KIF1B: variants seen among roughly 807,000 people sequenced by gnomAD.
KIF1B encodes the protein kinesin family member 1B.
A neutral mutation model predicts 241.9 loss-of-function variants in KIF1B; 76 were observed. The ratio of observed to expected loss-of-function variants is 0.31; its 90% CI spans 0.26 to 0.38. KIF1B has a LOEUF of 0.38. Ranked by LOEUF, KIF1B falls within the 10% of genes least tolerant of loss-of-function variation. The probability of loss-of-function intolerance (pLI) is 1.00; values close to 1 mark genes in which losing one functional copy is unlikely to be tolerated. For missense variants in KIF1B, 1,622 were observed against 2,271.4 expected (o/e 0.71, Z 5.81); for synonymous variants, 750 against 796.7 (o/e 0.94, Z 0.99).
At chr1:10,285,506 CTG>C (rs1649642273) in intron 15 of KIF1B, among the ~76,000 whole-genome samples, 1 of 152,212 alleles carries the variant, frequency 6.6e-6, no homozygotes, top group African/African-American at 2.4e-5. Context: ...CAAGACAAAA[CTG>C]TATTACTTCA....
chr1:10,218,425 C>CTT (rs879830838), intron 1 of KIF1B, among the ~76,000 whole-genome samples: 7 of 146,114 alleles, frequency 4.8e-5, no homozygotes, highest in East Asian at 3.9e-4. Flanking sequence ...CTTTGTGCAA[C>CTT]TTTTTTTTTT....
intron 22 of KIF1B, chr1:10,304,123 A>G (rs761657357): frequency 5.0e-6 from 8 of 1,614,090 alleles, no homozygotes; most frequent in Non-Finnish European, 6.8e-6. Context: ...ACATATCATC[A>G]TAACAGAAGA....
chr1:10,215,172 A>ATATTTTTTT (rs1377684765), intron 1 of KIF1B, among the ~76,000 whole-genome samples: 3 of 45,352 alleles, frequency 6.6e-5, no homozygotes, highest in African/African-American at 2.0e-4. Context: ...ATATATATAT[A>ATATTTTTTT]TTTTTTTTTT....
In KIF1B at chr1:10,365,239, A is replaced by G. The variant is rs1306587367; in HGVS notation, c.4506A>G (p.Leu1502=). 1.1e-5 allele frequency: 17 copies of G among 1,613,880 alleles called. No homozygotes were observed. Among genetic ancestry groups the G allele is most frequent in the Non-Finnish European group, 1.4e-5 (17 of 1,179,974 alleles). ...GGGAGCTGGAGAAGCTGGAGCTCCT[A>G]CATGAGGTATCCAGGGGCAGGGTTG... The part of the protein sequence containing the change: ...HQWELEKLEL[L]HEVEKTRHFL... The change falls in exon 42 of 49, where the codon CTA becomes CTG. Residue 1502 remains leucine (L), a synonymous_variant. Transcript: ENST00000676179. The surrounding 1 kb of genome is among the most constrained non-coding windows in gnomAD (Gnocchi z 4.0).
chr1:10,296,518 G>C (rs1650268175), intron 19 of KIF1B, 64 bp from the exon 20 acceptor site: 1 of 1,358,058 alleles, frequency 7.4e-7, no homozygotes, highest in Non-Finnish European at 1.0e-6. Context: ...ATAAGCAACT[G>C]CTTTCCATTA....
chr1:10,245,727 C>T (rs999786987), intron 2 of KIF1B, among the ~76,000 whole-genome samples: 4 of 152,068 alleles, frequency 2.6e-5, no homozygotes, highest in Non-Finnish European at 4.4e-5. Context: ...TGAGAGTGAG[C>T]AGAGCAAGTT....
chr1:10,343,427 T>C (rs933403482), intron 34 of KIF1B, 140 bp downstream of exon 34: 59 of 838,454 alleles, frequency 7.0e-5, no homozygotes, highest in African/African-American at 4.4e-4. Context: ...CTTGTATGTA[T>C]CTAGTAGGAA....
In KIF1B at chr1:10,378,445, T is replaced by G; in HGVS notation, c.*1858T>G. The stretch of plus-strand genomic sequence containing the variant: ...GGGAAAAAGAAAGCCTCCAGTGACT[T>G]CAGTTGCTTTGCCAGTTGTCTTGGG... On this transcript the variant is annotated 3_prime_UTR_variant, in exon 49 of 49. Transcript: ENST00000676179. 1 of 717,804 alleles carries G rather than the reference T, an allele frequency of 1.4e-6. No homozygotes were observed. Among genetic ancestry groups the G allele is most frequent in the Non-Finnish European group, 2.6e-6 (1 of 385,162 alleles). 44.5% of individuals were successfully genotyped at this position (717,804 alleles called of 1,614,324 possible).
chr1:10,343,009 C>T (rs960012083), intron 33 of KIF1B, among the ~76,000 whole-genome samples: 1 of 152,160 alleles, frequency 6.6e-6, no homozygotes, highest in Non-Finnish European at 1.5e-5. Flanking sequence ...TTGAGATAGG[C>T]ACGTGGAAGT....
chr1:10,322,033 A>G (rs1213615399), intron 24 of KIF1B, among the ~76,000 whole-genome samples, 176 bp downstream of exon 24: 1 of 152,228 alleles, frequency 6.6e-6, no homozygotes, highest in Non-Finnish European at 1.5e-5. Context: ...GTAGGTGCTA[A>G]TTAAATTTTT....
rs573959884 is a variant in KIF1B, at chr1:10,374,310, T to G, written c.4947-6T>G. ...CCCTTTTCTTTCTAATCTCTCTATT[T>G]TAAAGGACCCCAGAAGCCAATTCCC... On this transcript the variant is annotated splice_polypyrimidine_tract_variant and splice_region_variant and intron_variant, in intron 45 of 48. Coordinates refer to ENST00000676179, the MANE Select transcript of KIF1B (RefSeq NM_001365951.3). The surrounding 1 kb of genome is among the most constrained non-coding windows in gnomAD (Gnocchi z 4.3). 6.2e-6 allele frequency: 10 copies of G among 1,613,696 alleles called. No homozygotes were observed. The South Asian group carries it at 7.7e-5, about 12-fold the overall frequency.
chr1:10,377,103 TG>T lies in KIF1B; in HGVS notation c.*518del. Reference sequence around the variant, plus strand: ...CTTAGAGACTAAGGGAGGAGACATCTGGCCTTTTTAGAACCTGAGAGGAAAA... The same window carrying T: ...CTTAGAGACTAAGGGAGGAGACATCTGCCTTTTTAGAACCTGAGAGGAAAA... On this transcript the variant is annotated 3_prime_UTR_variant, in exon 49 of 49. Coordinates refer to ENST00000676179, the MANE Select transcript of KIF1B (RefSeq NM_001365951.3). 1 of 244,372 alleles carries T rather than the reference TG, an allele frequency of 4.1e-6. No individual in the cohort carries two copies. The highest frequency in any genetic ancestry group is 1.3e-4 in the South Asian group (1 of 7,566). 15.1% of individuals were successfully genotyped at this position (244,372 alleles called of 1,614,324 possible). A position where few individuals can be genotyped will look rare whatever the true frequency, so the allele number is the denominator to read the frequency against.
intron 38 of KIF1B, among the ~76,000 whole-genome samples, chr1:10,356,447 C>T (rs960958480): frequency 6.6e-6 from 1 of 152,112 alleles, no homozygotes; most frequent in Non-Finnish European, 1.5e-5. Context: ...GGACCCCATT[C>T]AGTTTACATT....
Position 10,240,572 on chromosome 1 carries a change from A to G in KIF1B, c.106+8138A>G, listed in dbSNP as rs75936869. Among the ~76,000 whole-genome samples the G allele has an allele frequency of 6.8e-3, 1,037 of 152,290 alleles. 11 individuals carry two copies. The highest frequency in any genetic ancestry group is 0.037 in the Middle Eastern group (11 of 294). On this transcript the variant is annotated intron_variant, in intron 2 of 48. Coordinates refer to ENST00000676179, the MANE Select transcript of KIF1B (RefSeq NM_001365951.3). ...CGTAAATAGCACTCAGAGTGCAGAA[A>G]GGGGATTGCATAGAGTTGGATGGCT... is the stretch of plus-strand genomic sequence containing the variant.
chr1:10,256,297 G>A lies in KIF1B; in HGVS notation c.157G>A (p.Asp53Asn), dbSNP rs1171875422. The A allele has an allele frequency of 6.2e-7, 1 of 1,611,730 alleles. No homozygotes were observed. The highest frequency in any genetic ancestry group is 2.2e-5 in the East Asian group (1 of 44,866). The change falls in exon 3 of 49, where the codon GAC (aspartate) becomes AAC (asparagine). Residue 53 changes from aspartate (D) to asparagine (N), a missense_variant. This residue lies in a region of KIF1B where 156 missense variants were observed against 244.8 expected (regional missense o/e 0.64). Transcript: ENST00000676179. ...PKEAPKSFSF[D>N]YSYWSHTSPE... The stretch of plus-strand genomic sequence containing the variant: ...GGAAGCTCCAAAGTCCTTCAGCTTC[G>A]ACTATTCCTACTGGTCTCATACCTC...
intron 22 of KIF1B, among the ~76,000 whole-genome samples, chr1:10,310,029 A>G (rs1651001161): frequency 6.6e-6 from 1 of 151,244 alleles, no homozygotes; most frequent in Non-Finnish European, 1.5e-5. Flanking sequence ...TGCCCAGCCC[A>G]CCACAAGTTG....
At chr1:10,323,659 A>G (rs1651610327) in intron 24 of KIF1B, among the ~76,000 whole-genome samples, 1 of 152,170 alleles carries the variant, frequency 6.6e-6, no homozygotes, top group Non-Finnish European at 1.5e-5. Flanking sequence ...GTATGTGCAA[A>G]AACACTGCCA....
intron 22 of KIF1B, among the ~76,000 whole-genome samples, 168 bp downstream of exon 22, chr1:10,297,414 G>A (rs184932478): frequency 6.6e-6 from 1 of 152,156 alleles, no homozygotes; most frequent in Non-Finnish European, 1.5e-5. Context: ...GGTAGCCTTA[G>A]CCTGAAAAAA....
intron 17 of KIF1B, among the ~76,000 whole-genome samples, chr1:10,292,901 T>G (rs1042313493): frequency 3.3e-5 from 5 of 152,216 alleles, no homozygotes; most frequent in Non-Finnish European, 7.3e-5. Context: ...GTCCTTTATT[T>G]CAAGTGACCT....
Sources: allele counts gnomAD v4.1 joint callset (sites outside exome capture counted in the v4.1 genomes callset), GRCh38; gene constraint gnomAD v4.1.1; regional missense constraint gnomAD v4.1.1; non-coding constraint Gnocchi (gnomAD v3.1); transcripts MANE v1.5; gene names NCBI Gene and HGNC (gene_info 2026-07-23, HGNC 2026-07-21).